The following UTRN variants were observed in gnomAD, a reference collection of about 807,000 sequenced individuals.
UTRN encodes the protein dystrophin-related protein 1.
In UTRN, 283 loss-of-function variants were observed where a neutral mutation model predicts 463.9. The observed-to-expected ratio is 0.61, with a 90% CI of 0.55 to 0.67. The LOEUF is 0.67. UTRN is among the 30% of genes least tolerant of loss of function. The pLI, the probability that UTRN is intolerant of heterozygous loss-of-function variation, is 0.00. For synonymous variants in UTRN, 1,442 were observed against 1,431.5 expected (o/e 1.01, Z -0.17); for missense variants, 3,922 against 4,084.3 (o/e 0.96, Z 1.08).
chr6:144,443,238 T>C (rs965444403), intron 13 of UTRN, among the ~76,000 whole-genome samples: 4 of 152,180 alleles, frequency 2.6e-5, no homozygotes, highest in African/African-American at 7.2e-5. Flanking sequence ...TTTCATCACG[T>C]GAGGTCCTTT....
At chr6:144,504,888 C>T (rs1160809971) in intron 34 of UTRN, among the ~76,000 whole-genome samples, 9 of 152,140 alleles carry the variant, frequency 5.9e-5, no homozygotes, top group Non-Finnish European at 1.2e-4. Flanking sequence ...CCATCTGGTC[C>T]TGGGCTTTTG....
intron 52 of UTRN, among the ~76,000 whole-genome samples, chr6:144,697,831 T>C (rs1784179341): frequency 6.6e-6 from 1 of 152,196 alleles, no homozygotes; most frequent in Non-Finnish European, 1.5e-5. Flanking sequence ...GAAGACTGCA[T>C]TGGAAAATAT....
At chr6:144,496,260 T>G (rs969214766) in intron 33 of UTRN, among the ~76,000 whole-genome samples, 17 of 152,220 alleles carry the variant, frequency 1.1e-4, no homozygotes, top group Non-Finnish European at 1.0e-4. Context: ...ATATTGAAGT[T>G]TCTATATAAG....
chr6:144,291,793 G>T lies in UTRN; in HGVS notation c.-36G>T. 1 of 1,599,202 alleles carries T rather than the reference G, an allele frequency of 6.3e-7. No homozygotes were observed. The highest frequency in any genetic ancestry group is 1.1e-5 in the South Asian group (1 of 88,192). On this transcript the variant is annotated 5_prime_UTR_variant, in exon 2 of 75. Coordinates refer to ENST00000367545, the MANE Select transcript of UTRN (RefSeq NM_007124.3). The stretch of plus-strand genomic sequence containing the variant: ...GTTGAAAGCCTTAGAAAGAGGACTT[G>T]GTAAAGTTTTTGGATTATCTTGAAA...
At position 144,477,908 on chromosome 6, in the gene UTRN, T is replaced by TATCTATCTATCTATCC. The variant is rs376542743; in HGVS notation, c.3337-1901_3337-1900insTATCTATCTATCCATC. ...CTATCTATCTATCTATCTATCTATC[T>TATCTATCTATCTATCC]ATCCATCCATCCACATACATATGGT... is the stretch of plus-strand genomic sequence containing the variant. On this transcript the variant is annotated intron_variant, in intron 25 of 74. Transcript: ENST00000367545. Among the ~76,000 whole-genome samples, 172 of 147,542 alleles carry TATCTATCTATCTATCC rather than the reference T, an allele frequency of 1.2e-3. 2 individuals carry two copies. Among genetic ancestry groups the TATCTATCTATCTATCC allele is most frequent in the Middle Eastern group, 7.0e-3 (2 of 286 alleles).
At chr6:144,635,514 C>CTTTTTTTTTTTTTTTTTTTTTTTTTTTTT (rs1402815648) in intron 51 of UTRN, among the ~76,000 whole-genome samples, 3 of 80,006 alleles carry the variant, frequency 3.7e-5, no homozygotes, top group South Asian at 5.4e-4. Flanking sequence ...CTTTTTTTTT[C>CTTTTTTTTTTTTTTTTTTTTTTTTTTTTT]TTTTTTTTTT....
chr6:144,488,148 G>A (rs1041586302), intron 29 of UTRN, among the ~76,000 whole-genome samples: 1 of 152,162 alleles, frequency 6.6e-6, no homozygotes, highest in Non-Finnish European at 1.5e-5. Flanking sequence ...AATATTAGGT[G>A]CTTCCAAACA....
chr6:144,514,435 C>T (rs756651780), intron 36 of UTRN, among the ~76,000 whole-genome samples: 8 of 152,132 alleles, frequency 5.3e-5, no homozygotes, highest in African/African-American at 1.4e-4. Flanking sequence ...TATTCTCCAG[C>T]GAGTCTTACT....
intron 51 of UTRN, chr6:144,583,179 C>T (rs1249147169): frequency 3.5e-6 from 1 of 285,580 alleles, no homozygotes; most frequent in Non-Finnish European, 6.5e-6. Flanking sequence ...GCGCACTCCT[C>T]TCCCGCAGCC....
At chr6:144,726,367 AGTGTTTAGTTTCCTTTGCTG>A (rs1787884645) in intron 53 of UTRN, among the ~76,000 whole-genome samples, 1 of 152,092 alleles carries the variant, frequency 6.6e-6, no homozygotes, top group Non-Finnish European at 1.5e-5. Flanking sequence ...ATTCTCTGCT[AGTGTTTAGTTTCCTTTGCTG>A]GGAGTACCTT....
rs148163559 is a variant in UTRN, at chr6:144,720,863, C to G, written c.7810-9494C>G. Among the ~76,000 whole-genome samples the G allele has an allele frequency of 1.9e-3, 294 of 152,256 alleles. 4 individuals are homozygous for G. Among genetic ancestry groups the G allele is most frequent in the African/African-American group, 6.9e-3 (285 of 41,548 alleles). ...TTCAGAGATTTGTGGCACTTAACCA[C>G]GTTCTGGGCTAGTATTGTTCTCTCT... On this transcript the variant is annotated intron_variant, in intron 53 of 74. Transcript: ENST00000367545.
chr6:144,584,993 T>G (rs1366354401), intron 51 of UTRN, among the ~76,000 whole-genome samples: 2 of 152,130 alleles, frequency 1.3e-5, no homozygotes, highest in African/African-American at 2.4e-5. Context: ...AAGCTTTCTT[T>G]TTTTTAAGAG....
intron 70 of UTRN, 130 bp downstream of exon 70, chr6:144,836,068 A>G: frequency 4.8e-6 from 7 of 1,446,560 alleles, no homozygotes; most frequent in South Asian, 1.4e-5. Flanking sequence ...TTTAGAGGCT[A>G]TTAACAAACT....
At chr6:144,302,341 T>C (rs940437797) in intron 2 of UTRN, among the ~76,000 whole-genome samples, 8 of 151,886 alleles carry the variant, frequency 5.3e-5, no homozygotes. Context: ...TGAAACCTCG[T>C]CTCTACTAAA....
intron 2 of UTRN, among the ~76,000 whole-genome samples, chr6:144,322,948 A>G (rs1030027119): frequency 6.6e-5 from 10 of 152,048 alleles, no homozygotes; most frequent in African/African-American, 2.4e-4. Flanking sequence ...GTCTCAAAAA[A>G]AAAAAAAAAA....
rs866186177 is a variant in UTRN, at chr6:144,451,558, G to A, written c.2196+65G>A. On this transcript the variant is annotated intron_variant, in intron 18 of 74. Transcript: ENST00000367545. ...AGTTCATCATGCTGGATTTTCTGCT[G>A]GCATAAAGACATTATGGAATTCAAA... The A allele has an allele frequency of 9.6e-5, 145 of 1,513,212 alleles. 1 individual carries two copies. Among genetic ancestry groups the A allele is most frequent in the Admixed American group, 9.3e-4 (45 of 48,580 alleles). The allele number at this position is 1,513,212 out of a possible 1,614,324, so 93.7% of individuals were successfully genotyped here.
At chr6:144,796,462 T>A (rs906415669) in intron 63 of UTRN, among the ~76,000 whole-genome samples, 2 of 152,180 alleles carry the variant, frequency 1.3e-5, no homozygotes, top group African/African-American at 2.4e-5. Context: ...AGAACTGAAT[T>A]AAAATGTCCT....
At chr6:144,501,574 A>G (rs1439163260) in intron 34 of UTRN, among the ~76,000 whole-genome samples, 2 of 152,002 alleles carry the variant, frequency 1.3e-5, no homozygotes, top group Admixed American at 6.6e-5. Flanking sequence ...TTCTTTACCT[A>G]TACTTGTTTT....
chr6:144,688,286 C>T (rs4895649), intron 52 of UTRN, among the ~76,000 whole-genome samples: 73,258 of 151,844 alleles, frequency 0.48, 20,204 homozygotes, highest in East Asian at 0.88. Context: ...GTTTTTATAA[C>T]TTCTTTATGT....
Sources: gnomAD v4.1 joint callset for allele counts (sites outside exome capture counted in the v4.1 genomes callset) on GRCh38, gnomAD v4.1.1 for gene constraint, MANE v1.5 for transcripts, NCBI Gene and HGNC (gene_info 2026-07-23, HGNC 2026-07-21) for gene names.